Variants in RBFOX1 observed in about 807,000 individuals in gnomAD.
The protein encoded by RBFOX1 is RNA binding protein fox-1 homolog 1.
Under a neutral mutation model 57.7 loss-of-function variants are expected in RBFOX1, and 8 were observed. That is an observed-to-expected ratio of 0.14 (90% CI 0.08 to 0.25). The LOEUF is 0.25. RBFOX1 is among the 10% of genes least tolerant of loss of function. The pLI, the probability that RBFOX1 is intolerant of heterozygous loss-of-function variation, is 1.00. For missense variants in RBFOX1, 611 were observed against 548.5 expected, an observed-to-expected ratio of 1.11 and a Z score of -1.14; for synonymous variants, 326 against 222.4, an observed-to-expected ratio of 1.47 and a Z score of -4.15.
At chr16:7,191,323 G>A (rs1393157810) in intron 4 of RBFOX1, among the ~76,000 whole-genome samples, 8 of 136,748 alleles carry the variant, frequency 5.9e-5, no homozygotes, top group South Asian at 5.0e-4. Context: ...CGTATAATCC[G>A]TTGCTGACAA....
intron 1 of RBFOX1, among the ~76,000 whole-genome samples, chr16:6,238,412 T>A (rs2097522819): frequency 6.6e-6 from 1 of 152,176 alleles, no homozygotes; most frequent in African/African-American, 2.4e-5. Context: ...TACTGGAGAA[T>A]TTAAATAGTG....
intron 1 of RBFOX1, among the ~76,000 whole-genome samples, chr16:6,125,225 C>T (rs551745832): frequency 2.3e-4 from 35 of 152,244 alleles, no homozygotes; most frequent in Non-Finnish European, 4.1e-4. Context: ...TCCTTAAGTT[C>T]CCTACAATTA....
At position 5,650,313 on chromosome 16, in the gene RBFOX1, G is replaced by A. The variant is rs150613633; in HGVS notation, c.318+51352G>A. Reference sequence around the variant, plus strand: ...TCAGCCACACTCCTCGTCCTCTTCAGAGGCAGCCACGGCGGTGGTGGTGGT... The same window carrying A: ...TCAGCCACACTCCTCGTCCTCTTCAAAGGCAGCCACGGCGGTGGTGGTGGT... On this transcript the variant is annotated intron_variant, in intron 3 of 19. Coordinates refer to the RBFOX1 transcript ENST00000641259. 6.0e-3 allele frequency among the ~76,000 whole-genome samples: 907 copies of A among 152,014 alleles called. 13 individuals are homozygous for A. The highest frequency in any genetic ancestry group is 0.014 in the Middle Eastern group (4 of 292).
chr16:5,624,254 G>T (rs1015739535), intron 3 of RBFOX1, among the ~76,000 whole-genome samples: 1 of 152,196 alleles, frequency 6.6e-6, no homozygotes, highest in Non-Finnish European at 1.5e-5. Context: ...GAGTGCAGTG[G>T]TGTGATCTAG....
intron 3 of RBFOX1, among the ~76,000 whole-genome samples, chr16:6,742,827 G>A (rs2072604148): frequency 6.6e-6 from 1 of 152,018 alleles, no homozygotes; most frequent in Non-Finnish European, 1.5e-5. Context: ...TATGGTGGGA[G>A]AAAAAAAGAT....
rs1444772340 is a variant in RBFOX1, at chr16:7,104,979, C to G, written c.27+52881C>G. Reference sequence around the variant, plus strand: ...CGTGCTTCTGTGCTTGTGTGTGTGTCTTTATGTTTCTCAGCTCTGCTTTCT... The same window carrying G: ...CGTGCTTCTGTGCTTGTGTGTGTGTGTTTATGTTTCTCAGCTCTGCTTTCT... On this transcript the variant is annotated intron_variant, in intron 4 of 15. Transcript: ENST00000550418. Among the ~76,000 whole-genome samples, 8 of 152,004 alleles carry G rather than the reference C, an allele frequency of 5.3e-5. No homozygotes were observed. The South Asian group carries it at 8.3e-4, about 16-fold the overall frequency.
At chr16:5,698,841 A>G (rs1046062424) in intron 3 of RBFOX1, among the ~76,000 whole-genome samples, 1 of 152,198 alleles carries the variant, frequency 6.6e-6, no homozygotes, top group Admixed American at 6.5e-5. Context: ...AATTTTGTTT[A>G]TTAAAGATTT....
intron 4 of RBFOX1, among the ~76,000 whole-genome samples, chr16:7,125,919 C>T (rs985101683): frequency 6.6e-6 from 1 of 152,050 alleles, no homozygotes; most frequent in Non-Finnish European, 1.5e-5. Context: ...TCCATCTCTA[C>T]TAAAAATACA....
intron 2 of RBFOX1, among the ~76,000 whole-genome samples, chr16:6,604,632 A>T (rs9933610): frequency 6.6e-6 from 1 of 152,272 alleles, no homozygotes; most frequent in Non-Finnish European, 1.5e-5. Context: ...TACTGAGTAT[A>T]TAAAACCCAT....
intron 2 of RBFOX1, among the ~76,000 whole-genome samples, chr16:6,628,828 A>T (rs992672485): frequency 1.1e-4 from 16 of 152,170 alleles, no homozygotes; most frequent in Admixed American, 6.5e-5. Flanking sequence ...TAGAAAAAGA[A>T]TCACAGCCTG....
intron 4 of RBFOX1, among the ~76,000 whole-genome samples, chr16:5,915,550 G>A (rs1207565826): frequency 6.6e-6 from 1 of 152,136 alleles, no homozygotes; most frequent in African/African-American, 2.4e-5. Context: ...ATAGAAGACA[G>A]GCTGGGCGCC....
Position 6,361,645 on chromosome 16 carries a change from A to AG in RBFOX1, c.-64+44588_-64+44589insG, listed in dbSNP as rs138761025. Among the ~76,000 whole-genome samples, 187 of 151,624 alleles carry AG rather than the reference A, an allele frequency of 1.2e-3. 1 individual carries two copies. Among genetic ancestry groups the AG allele is most frequent in the African/African-American group, 4.2e-3 (175 of 41,320 alleles). On this transcript the variant is annotated intron_variant, in intron 2 of 15. Transcript: ENST00000550418. Reference sequence around the variant, plus strand: ...TCTGTCTCTAAAAAAAAAAAAAAAAATCATGGTCAATCATTCTTAAAGCTG... The same window carrying AG: ...TCTGTCTCTAAAAAAAAAAAAAAAAAGTCATGGTCAATCATTCTTAAAGCTG...
Position 6,601,994 on chromosome 16 carries a change from CAG to C in RBFOX1, c.-63-52608_-63-52607del, listed in dbSNP as rs565618951. On this transcript the variant is annotated intron_variant, in intron 2 of 15. Transcript: ENST00000550418. The stretch of plus-strand genomic sequence containing the variant: ...AACTCTTCTCTCTTGTCAGGTAGGA[CAG>C]GGGATGGAGGAATGAAGTACCTAGA... 3.8e-3 allele frequency among the ~76,000 whole-genome samples: 573 copies of C among 152,280 alleles called. 2 individuals carry two copies. Among genetic ancestry groups the C allele is most frequent in the African/African-American group, 0.012 (495 of 41,548 alleles).
chr16:5,453,634 C>G (rs1308853089), intron 1 of RBFOX1, among the ~76,000 whole-genome samples: 1 of 152,134 alleles, frequency 6.6e-6, no homozygotes, highest in Non-Finnish European at 1.5e-5. Context: ...CTTAGAATCC[C>G]TGCAAGTAGC....
chr16:7,518,323 C>T lies in RBFOX1; in HGVS notation c.204C>T (p.Pro68=), dbSNP rs184452994. Residue 68 remains proline, a synonymous_variant, in exon 5 of 16, where the codon CCC becomes CCT. Coordinates refer to ENST00000550418, the MANE Select transcript of RBFOX1 (RefSeq NM_018723.4). ...VPEHTLNLYP[P]AQTHSEQSPA... ...AGCACACATTAAACCTGTACCCTCCCGCCCAGACGCACTCCGAGCAGAGCC... is the reference window on the plus strand; with the variant it reads ...AGCACACATTAAACCTGTACCCTCCTGCCCAGACGCACTCCGAGCAGAGCC... 1.9e-5 allele frequency: 31 copies of T among 1,614,068 alleles called. No homozygotes were observed. The Admixed American group carries it at 2.0e-4, about 10-fold the overall frequency.
At chr16:5,967,255 A>G (rs182129651) in intron 4 of RBFOX1, among the ~76,000 whole-genome samples, 174 of 152,314 alleles carry the variant, frequency 1.1e-3, no homozygotes, top group Admixed American at 2.3e-3. Context: ...ACTAATCCCT[A>G]AAAATGAGCA....
intron 1 of RBFOX1, among the ~76,000 whole-genome samples, chr16:6,250,243 C>A (rs1312396645): frequency 6.6e-6 from 1 of 152,112 alleles, no homozygotes; most frequent in Non-Finnish European, 1.5e-5. Flanking sequence ...TGTTTCTAGT[C>A]CTGTGTCAAA....
intron 3 of RBFOX1, among the ~76,000 whole-genome samples, chr16:6,737,219 T>C (rs969333054): frequency 6.6e-6 from 1 of 152,222 alleles, no homozygotes; most frequent in African/African-American, 2.4e-5. Flanking sequence ...TAACTCAATG[T>C]AATTTAAATA....
chr16:7,069,501 T>A lies in RBFOX1; in HGVS notation c.27+17403T>A, dbSNP rs146972550. Reference sequence around the variant, plus strand: ...CTGAGGATAATGGCTTCCAGCTTCATCTATGTCCTTGCAAAAGACATGATA... The same window carrying A: ...CTGAGGATAATGGCTTCCAGCTTCAACTATGTCCTTGCAAAAGACATGATA... On this transcript the variant is annotated intron_variant, in intron 4 of 15. Transcript: ENST00000550418. Among the ~76,000 whole-genome samples, 5 of 152,328 alleles carry A rather than the reference T, an allele frequency of 3.3e-5. No individual in the cohort carries two copies. The East Asian group carries it at 7.7e-4, about 23-fold the overall frequency.
Sources: gnomAD v4.1 joint callset for allele counts (sites outside exome capture counted in the v4.1 genomes callset) on GRCh38, gnomAD v4.1.1 for gene constraint, MANE v1.5 for transcripts, NCBI Gene and HGNC (gene_info 2026-07-23, HGNC 2026-07-21) for gene names.